Variants in CD47 observed in about 807,000 individuals in gnomAD.
The protein encoded by CD47 is CD47 molecule, also known as leukocyte surface antigen CD47.
Under a neutral mutation model 44.6 loss-of-function variants are expected in CD47, and 11 were observed. The observed-to-expected ratio is 0.25, with a 90% CI of 0.16 to 0.41. The LOEUF (loss-of-function observed/expected upper bound fraction) is 0.41. Ranked by LOEUF, CD47 falls within the 10% of genes least tolerant of loss-of-function variation. The pLI is 1.00. For synonymous variants in CD47, 140 were observed against 136.3 expected (o/e 1.03, Z -0.19); for missense variants, 306 against 386.7 (o/e 0.79, Z 1.75).
chr3:108,069,905 A>G (rs1414361709), intron 3 of CD47, among the ~76,000 whole-genome samples: 2 of 152,210 alleles, frequency 1.3e-5, no homozygotes, highest in Non-Finnish European at 2.9e-5. Context: ...AAAAACTAAG[A>G]GATTATAAGA....
chr3:108,052,184 C>T (rs1208424946), intron 7 of CD47: 12 of 384,248 alleles, frequency 3.1e-5, no homozygotes, highest in Non-Finnish European at 4.9e-5. Flanking sequence ...AACCCATCTA[C>T]ATCAAATAGT....
intron 1 of CD47, 52 bp downstream of exon 1, chr3:108,090,811 C>T: frequency 6.9e-7 from 1 of 1,446,586 alleles, no homozygotes; most frequent in Non-Finnish European, 9.1e-7. Flanking sequence ...CCCACACGCC[C>T]GCGGGGGCGA....
chr3:108,057,956 T>C lies in CD47; in HGVS notation c.784+381A>G, dbSNP rs138155861. ...AAAGCACTATTACCACTGGGGTAAA[T>C]TGGAAGTTTAAAAAGAAAAGCTCAG... On this transcript the variant is annotated intron_variant, in intron 6 of 10. Transcript: ENST00000361309. 2.1e-3 allele frequency among the ~76,000 whole-genome samples: 324 copies of C among 152,268 alleles called. 3 individuals are homozygous for C. The highest frequency in any genetic ancestry group is 3.9e-3 in the Non-Finnish European group (267 of 68,020).
intron 10 of CD47, among the ~76,000 whole-genome samples, chr3:108,048,378 T>TG (rs2078756982): frequency 1.0e-5 from 1 of 96,970 alleles, no homozygotes; most frequent in African/African-American, 3.8e-5. Flanking sequence ...AGTGTTTTTT[T>TG]TTTTTTTTTT....
intron 3 of CD47, among the ~76,000 whole-genome samples, chr3:108,065,183 A>C (rs549152012): frequency 1.3e-5 from 2 of 152,370 alleles, no homozygotes; most frequent in East Asian, 3.9e-4. Context: ...AGTCTATAGG[A>C]CAGAGATAAA....
intron 2 of CD47, 50 bp from the exon 3 acceptor site, chr3:108,071,232 T>C (rs916368603): frequency 3.7e-6 from 3 of 817,370 alleles, no homozygotes; most frequent in Admixed American, 5.8e-5. Flanking sequence ...TATAACACTT[T>C]AAATTCTGCT....
chr3:108,064,094 C>A (rs571896814), intron 3 of CD47, among the ~76,000 whole-genome samples: 2 of 152,182 alleles, frequency 1.3e-5, no homozygotes, highest in African/African-American at 4.8e-5. Flanking sequence ...AATGTACCAG[C>A]CCCTTTTGCT....
intron 3 of CD47, among the ~76,000 whole-genome samples, chr3:108,064,924 T>TGTTTAA (rs1560002180): frequency 6.6e-6 from 1 of 152,226 alleles, no homozygotes; most frequent in Non-Finnish European, 1.5e-5. Context: ...CACATAAAAT[T>TGTTTAA]ACAATTTCAT....
intron 6 of CD47, 37 bp from the exon 7 acceptor site, chr3:108,057,606 T>C (rs780988842): frequency 2.3e-5 from 24 of 1,024,036 alleles, no homozygotes; most frequent in Non-Finnish European, 3.3e-5. Context: ...TAGAAAAGCA[T>C]ATGAAATAAC....
intron 10 of CD47, among the ~76,000 whole-genome samples, chr3:108,047,954 G>A (rs1016071867): frequency 1.3e-5 from 2 of 152,020 alleles, no homozygotes; most frequent in African/African-American, 4.8e-5. Context: ...AAAGGAAGAG[G>A]CACTCAAGAT....
intron 3 of CD47, among the ~76,000 whole-genome samples, chr3:108,065,094 C>T (rs2079079948): frequency 6.6e-6 from 1 of 152,170 alleles, no homozygotes; most frequent in South Asian, 2.1e-4. Flanking sequence ...CAAGTTAAAT[C>T]ATTTTATAAT....
At chr3:108,050,632 A>C (rs1276110323) in intron 8 of CD47, 30 bp from the exon 9 acceptor site, 1 of 796,874 alleles carries the variant, frequency 1.3e-6, no homozygotes, top group Non-Finnish European at 2.0e-6. Flanking sequence ...TATTTACATA[A>C]AAATATAATT....
intron 1 of CD47, among the ~76,000 whole-genome samples, 171 bp downstream of exon 1, chr3:108,090,692 C>G (rs1268184352): frequency 6.6e-6 from 1 of 152,068 alleles, no homozygotes; most frequent in Non-Finnish European, 1.5e-5. Flanking sequence ...AGGGGGGCGC[C>G]CGATTCCCCG....
intron 4 of CD47, among the ~76,000 whole-genome samples, chr3:108,060,416 G>A (rs980699647): frequency 6.6e-6 from 1 of 152,208 alleles, no homozygotes; most frequent in Non-Finnish European, 1.5e-5. Context: ...CATAGAGGAA[G>A]GAGGAGGCAA....
chr3:108,054,320 C>A (rs2078878519), intron 7 of CD47: 1 of 151,986 alleles, frequency 6.6e-6, no homozygotes, highest in South Asian at 2.1e-4. Context: ...ATCTCCGATC[C>A]AAGGGATGTC....
chr3:108,080,339 C>T lies in CD47; in HGVS notation c.52G>A (p.Ala18Thr), dbSNP rs773182221. 3.2e-6 allele frequency: 5 copies of T among 1,549,924 alleles called. No individual in the cohort carries two copies. The highest frequency in any genetic ancestry group is 4.4e-6 in the Non-Finnish European group (5 of 1,130,164). ...TTTGTTTTATTAAATAGTAGCTGAG[C>T]TGATCCTGGAAAGGAAAAAGAAAAA... ...LLLGSACCGS[A>T]QLLFNKTKSV... Residue 18 changes from alanine to threonine, a missense_variant, in exon 2 of 11, where the codon GCT becomes ACT. Physicochemically the swap from Ala to Thr is moderately conservative, Grantham distance 58. Around this residue, in one of 5 missense-constraint regions of CD47, gnomAD observed 38 missense variants for 42.7 expected, o/e 0.89. Transcript: ENST00000361309.
In CD47 at chr3:108,090,989, A is replaced by G. The variant is rs1046959133; in HGVS notation, c.-81T>C. On this transcript the variant is annotated 5_prime_UTR_variant, in exon 1 of 11. Transcript: ENST00000361309. ...GCCGCCGCCGTTACAGGCAGGACCGACCGCCGCCGCGCGTCACAGGCAGGA... is the reference window on the plus strand; with the variant it reads ...GCCGCCGCCGTTACAGGCAGGACCGGCCGCCGCCGCGCGTCACAGGCAGGA... 16 of 1,022,598 alleles carry G rather than the reference A, an allele frequency of 1.6e-5. No individual in the cohort carries two copies. In the African/African-American group the frequency reaches 2.7e-4, roughly 18 times the overall value. The allele number at this position is 1,022,598 out of a possible 1,614,324, so 63.3% of individuals were successfully genotyped here. A position where few individuals can be genotyped will look rare whatever the true frequency, so the allele number is the denominator to read the frequency against.
chr3:108,065,491 A>T (rs1017342709), intron 3 of CD47, among the ~76,000 whole-genome samples: 2 of 152,170 alleles, frequency 1.3e-5, no homozygotes, highest in Non-Finnish European at 2.9e-5. Context: ...AAGGGAAAGC[A>T]CTGGGAGTTC....
At position 108,043,358 on chromosome 3, in the gene CD47, GTTTT is replaced by G. The variant is rs201201051; in HGVS notation, c.*3926_*3929del. ...TACAGGGTAATATTTACAAAGTTATGTTTTTTTTTAAATAAAAAAGTACCTTGGC... is the reference window on the plus strand; with the variant it reads ...TACAGGGTAATATTTACAAAGTTATGTTTTTAAATAAAAAAGTACCTTGGC... On this transcript the variant is annotated 3_prime_UTR_variant, in exon 11 of 11. Transcript: ENST00000361309. 6.6e-6 allele frequency: 1 copy of G among 150,420 alleles called. No homozygotes were observed. The highest frequency in any genetic ancestry group is 1.5e-5 in the Non-Finnish European group (1 of 67,580). The allele number at this position is 150,420 out of a possible 1,614,324, so 9.3% of individuals were successfully genotyped here. A position where few individuals can be genotyped will look rare whatever the true frequency, so the allele number is the denominator to read the frequency against.
Sources: gnomAD v4.1 joint callset for allele counts (sites outside exome capture counted in the v4.1 genomes callset) on GRCh38, gnomAD v4.1.1 for gene constraint, gnomAD v4.1.1 regional missense constraint, MANE v1.5 for transcripts, NCBI Gene and HGNC (gene_info 2026-07-23, HGNC 2026-07-21) for gene names.